The following GABPB1 variants were observed in gnomAD, a reference collection of about 807,000 sequenced individuals.
GABPB1 encodes GA-binding protein subunit beta-1.
GABPB1 carries 15 observed loss-of-function variants against 45.9 expected under a neutral mutation model. The ratio of observed to expected loss-of-function variants is 0.33; its 90% CI spans 0.22 to 0.50. The LOEUF is 0.50. Ranked by LOEUF, GABPB1 falls within the 20% of genes least tolerant of loss-of-function variation. The probability of loss-of-function intolerance (pLI) is 0.98; values close to 1 mark genes in which losing one functional copy is unlikely to be tolerated. For missense variants in GABPB1, 252 were observed against 457.5 expected, an observed-to-expected ratio of 0.55 and a Z score of 4.10; for synonymous variants, 143 against 154.4, an observed-to-expected ratio of 0.93 and a Z score of 0.55.
At chr15:50,354,325 C>G in intron 1 of GABPB1, 1 of 446,892 alleles carries the variant, frequency 2.2e-6, no homozygotes, top group Non-Finnish European at 4.5e-6. Flanking sequence ...CTCCAGTCCC[C>G]GCGGCCAAGG....
intron 1 of GABPB1, among the ~76,000 whole-genome samples, chr15:50,315,190 G>A (rs563802114): frequency 2.6e-5 from 4 of 152,090 alleles, no homozygotes; most frequent in East Asian, 3.9e-4. Flanking sequence ...GGAGTACAGC[G>A]GTGAGATCAT....
chr15:50,310,916 G>T (rs1163552204), intron 1 of GABPB1, among the ~76,000 whole-genome samples: 5 of 151,000 alleles, frequency 3.3e-5, no homozygotes, highest in Non-Finnish European at 7.4e-5. Context: ...GGCGGAGGTT[G>T]CAGTGAGCCG....
chr15:50,350,402 T>C (rs2048775649), intron 1 of GABPB1: 1 of 147,508 alleles, frequency 6.8e-6, no homozygotes, highest in African/African-American at 2.5e-5. Flanking sequence ...ACATCTTTAC[T>C]ACATCAAAAA....
At chr15:50,345,118 G>C (rs889542429) in intron 1 of GABPB1, among the ~76,000 whole-genome samples, 1 of 152,022 alleles carries the variant, frequency 6.6e-6, no homozygotes, top group Non-Finnish European at 1.5e-5. Context: ...GTGCTAAGAG[G>C]CTCATGAAAC....
intron 1 of GABPB1, among the ~76,000 whole-genome samples, chr15:50,329,025 T>C (rs1015183490): frequency 1.3e-5 from 2 of 152,226 alleles, no homozygotes; most frequent in Non-Finnish European, 2.9e-5. Flanking sequence ...GTTCAAATTG[T>C]CCCAATTTTG....
intron 6 of GABPB1, among the ~76,000 whole-genome samples, chr15:50,297,483 G>A (rs969368873): frequency 6.6e-6 from 1 of 152,140 alleles, no homozygotes. Flanking sequence ...CAAAGTACTG[G>A]TATTACAGGA....
At chr15:50,321,788 A>G (rs1250904498) in intron 1 of GABPB1, among the ~76,000 whole-genome samples, 3 of 152,186 alleles carry the variant, frequency 2.0e-5, no homozygotes, top group Non-Finnish European at 2.9e-5. Context: ...AATACTTGGA[A>G]CCAAAATCGT....
chr15:50,284,079 C>T (rs2046081650), intron 8 of GABPB1, among the ~76,000 whole-genome samples: 1 of 152,074 alleles, frequency 6.6e-6, no homozygotes, highest in African/African-American at 2.4e-5. Context: ...CCTGACGCTG[C>T]TTTAGAGAAA....
intron 8 of GABPB1, among the ~76,000 whole-genome samples, chr15:50,282,110 G>A (rs1360859401): frequency 6.6e-6 from 1 of 152,200 alleles, no homozygotes; most frequent in Non-Finnish European, 1.5e-5. Flanking sequence ...GAGGTGGGAG[G>A]ATTGCTTGAG....
chr15:50,280,527 G>A (rs748586841), intron 8 of GABPB1, among the ~76,000 whole-genome samples: 7 of 152,132 alleles, frequency 4.6e-5, no homozygotes, highest in Non-Finnish European at 8.8e-5. Flanking sequence ...AAGGCAGGCA[G>A]ATCACTTAAG....
chr15:50,305,138 C>A (rs2046897982), intron 2 of GABPB1, among the ~76,000 whole-genome samples: 1 of 151,924 alleles, frequency 6.6e-6, no homozygotes, highest in Non-Finnish European at 1.5e-5. Context: ...ACAGAAAATC[C>A]CTATAACCCT....
At chr15:50,292,844 A>ATG (rs1234111426) in intron 6 of GABPB1, among the ~76,000 whole-genome samples, 69 of 83,442 alleles carry the variant, frequency 8.3e-4, no homozygotes, top group African/African-American at 3.7e-3. Context: ...AAAAGTGTGT[A>ATG]TATGTGTGTG....
At chr15:50,292,314 C>CA (rs762047613) in intron 6 of GABPB1, among the ~76,000 whole-genome samples, 1,173 of 47,698 alleles carry the variant, frequency 0.025, 10 homozygotes, top group Non-Finnish European at 0.029. Context: ...GACTCCATCT[C>CA]AAAAAAAAAA....
intron 7 of GABPB1, among the ~76,000 whole-genome samples, chr15:50,287,930 T>C (rs1278692399): frequency 6.6e-6 from 1 of 152,222 alleles, no homozygotes; most frequent in African/African-American, 2.4e-5. Flanking sequence ...ATCTGGTCTC[T>C]GTTCAATGCC....
chr15:50,330,289 T>C (rs2141122584), intron 1 of GABPB1, among the ~76,000 whole-genome samples: 1 of 152,194 alleles, frequency 6.6e-6, no homozygotes, highest in South Asian at 2.1e-4. Context: ...ATATATATCC[T>C]GGAAAATACT....
intron 1 of GABPB1, among the ~76,000 whole-genome samples, chr15:50,336,366 A>G (rs2048126498): frequency 6.6e-6 from 1 of 150,436 alleles, no homozygotes; most frequent in Admixed American, 6.7e-5. Flanking sequence ...AAAAAAAAAA[A>G]AAAAAATTAT....
At chr15:50,330,587 C>T (rs1359500200) in intron 1 of GABPB1, among the ~76,000 whole-genome samples, 2 of 152,112 alleles carry the variant, frequency 1.3e-5, no homozygotes, top group Non-Finnish European at 2.9e-5. Flanking sequence ...ATCCCATACA[C>T]ACTTACCTTA....
chr15:50,308,231 C>T (rs1466747754), intron 2 of GABPB1, among the ~76,000 whole-genome samples: 2 of 152,204 alleles, frequency 1.3e-5, no homozygotes, highest in African/African-American at 2.4e-5. Flanking sequence ...CAGGTTCCTC[C>T]AGAGCAGATA....
intron 1 of GABPB1, chr15:50,327,186 A>G (rs890231331): frequency 5.9e-5 from 9 of 152,210 alleles, no homozygotes; most frequent in African/African-American, 2.2e-4. Flanking sequence ...AGGGAAGTAT[A>G]ACTTACCTGC....
Sources: allele counts gnomAD v4.1 joint callset (sites outside exome capture counted in the v4.1 genomes callset), GRCh38; gene constraint gnomAD v4.1.1; transcripts MANE v1.5; gene names NCBI Gene and HGNC (gene_info 2026-07-23, HGNC 2026-07-21).